The following UBN2 variants were observed in gnomAD, a reference collection of about 807,000 sequenced individuals.
UBN2 encodes ubinuclein 2.
Under a neutral mutation model 120.2 loss-of-function variants are expected in UBN2, and 35 were observed. The observed-to-expected ratio is 0.29, with a 90% confidence interval of 0.22 to 0.39. The LOEUF is 0.39. UBN2 is among the 10% of genes least tolerant of loss of function. The pLI, the probability that UBN2 is intolerant of heterozygous loss-of-function variation, is 1.00. For synonymous variants in UBN2, 661 were observed against 648.7 expected, an observed-to-expected ratio of 1.02 and a Z score of -0.29; for missense variants, 1,693 against 1,663.2, an observed-to-expected ratio of 1.02 and a Z score of -0.31.
At chr7:139,282,820 C>T (rs1797655109) in intron 14 of UBN2, among the ~76,000 whole-genome samples, 1 of 152,018 alleles carries the variant, frequency 6.6e-6, no homozygotes, top group African/African-American at 2.4e-5. Context: ...CAGCTATGTG[C>T]AATATATCAG....
In UBN2 at chr7:139,259,360, A is replaced by G. The variant is rs747607028; in HGVS notation, c.895A>G (p.Lys299Glu). ...KEKKPRKKVPKQLGVVALNSH... is the reference protein window; with the variant it reads ...KEKKPRKKVPEQLGVVALNSH... ...GAAGAAGCCAAGGAAAAAAGTTCCC[A>G]AACAACTGGGGTACGTTAAATTAAA... Residue 299 changes from lysine (K) to glutamate (E), a missense_variant, in exon 5 of 18, where the codon AAA becomes GAA. Coordinates refer to ENST00000473989, the MANE Select transcript of UBN2 (RefSeq NM_173569.4). The G allele has an allele frequency of 4.3e-6, 7 of 1,613,952 alleles. No homozygotes were observed. The highest frequency in any genetic ancestry group is 5.1e-6 in the Non-Finnish European group (6 of 1,179,930).
chr7:139,253,230 ATCT>A (rs1796667817), intron 3 of UBN2, among the ~76,000 whole-genome samples: 1 of 93,834 alleles, frequency 1.1e-5, no homozygotes, highest in African/African-American at 1.2e-4. Context: ...ATAACGGAGC[ATCT>A]GGGTGCATTT....
At chr7:139,244,849 C>T (rs981229537) in intron 2 of UBN2, among the ~76,000 whole-genome samples, 6 of 152,028 alleles carry the variant, frequency 3.9e-5, no homozygotes, top group African/African-American at 9.7e-5. Flanking sequence ...AGCACCTTTT[C>T]GTGAATAGCC....
At chr7:139,282,213 TTAAAAA>T (rs1317288419) in intron 14 of UBN2, among the ~76,000 whole-genome samples, 158 bp downstream of exon 14, 1 of 152,216 alleles carries the variant, frequency 6.6e-6, no homozygotes, top group Non-Finnish European at 1.5e-5. Flanking sequence ...ACTTTTATCT[TTAAAAA>T]TAAATAGTTG....
At chr7:139,237,391 G>A (rs1413528325) in intron 2 of UBN2, among the ~76,000 whole-genome samples, 1 of 152,096 alleles carries the variant, frequency 6.6e-6, no homozygotes, top group East Asian at 1.9e-4. Flanking sequence ...CCGCCTCCCA[G>A]GTTCAAGCCT....
chr7:139,252,144 G>A, intron 3 of UBN2, 87 bp downstream of exon 3: 1 of 1,041,650 alleles, frequency 9.6e-7, no homozygotes, highest in Non-Finnish European at 1.5e-6. Context: ...AAATAGTGCA[G>A]TGAATGTTTT....
At chr7:139,276,207 A>G (rs969746203) in intron 12 of UBN2, 60 bp downstream of exon 12, 11 of 1,482,820 alleles carry the variant, frequency 7.4e-6, no homozygotes, top group Middle Eastern at 1.9e-4. Context: ...TTAGTGAACA[A>G]AAGTATCATT....
intron 6 of UBN2, among the ~76,000 whole-genome samples, chr7:139,264,357 A>G (rs1260358444): frequency 2.0e-5 from 3 of 152,118 alleles, no homozygotes; most frequent in Non-Finnish European, 1.5e-5. Context: ...CAGCTGGATC[A>G]TTGACTGTAT....
At chr7:139,242,306 A>G (rs1796342263) in intron 2 of UBN2, among the ~76,000 whole-genome samples, 1 of 152,152 alleles carries the variant, frequency 6.6e-6, no homozygotes, top group Non-Finnish European at 1.5e-5. Context: ...TTGATCATCC[A>G]CACTTGCTGA....
At chr7:139,277,949 A>G (rs943723024) in intron 12 of UBN2, among the ~76,000 whole-genome samples, 2 of 152,206 alleles carry the variant, frequency 1.3e-5, no homozygotes, top group Admixed American at 1.3e-4. Context: ...ACAGTATACT[A>G]TAATAAAAGT....
intron 2 of UBN2, among the ~76,000 whole-genome samples, chr7:139,238,373 A>G (rs576450322): frequency 5.2e-4 from 79 of 152,296 alleles, no homozygotes; most frequent in Non-Finnish European, 8.5e-4. Context: ...ATACTTTGCC[A>G]TCTGCTAATT....
intron 3 of UBN2, among the ~76,000 whole-genome samples, chr7:139,252,969 C>T (rs1415003175): frequency 5.3e-5 from 8 of 151,748 alleles, no homozygotes; most frequent in African/African-American, 1.9e-4. Flanking sequence ...TTAACATATG[C>T]TTATGGTAAA....
At chr7:139,235,186 A>G (rs1478127417) in intron 1 of UBN2, among the ~76,000 whole-genome samples, 1 of 152,152 alleles carries the variant, frequency 6.6e-6, no homozygotes, top group Non-Finnish European at 1.5e-5. Context: ...TACATATAAA[A>G]TGAGTCATAC....
chr7:139,299,194 G>T lies in UBN2; in HGVS notation c.*1358G>T, dbSNP rs887114366. ...TACATTTGATTTGATGGGTTTTTTT[G>T]CCGCATTATTCTAGTTTTTTAAGCT... is the stretch of plus-strand genomic sequence containing the variant. On this transcript the variant is annotated 3_prime_UTR_variant, in exon 18 of 18. Transcript: ENST00000473989. 4 of 151,878 alleles carry T rather than the reference G, an allele frequency of 2.6e-5. No homozygotes were observed. The highest frequency in any genetic ancestry group is 9.7e-5 in the African/African-American group (4 of 41,352). 9.4% of individuals were successfully genotyped at this position (151,878 alleles called of 1,614,324 possible).
chr7:139,316,064 C>A, the UBN2 span, among the ~76,000 whole-genome samples: 46 of 110,500 alleles, frequency 4.2e-4, no homozygotes, highest in African/African-American at 1.5e-3. Flanking sequence ...GCAACAAGAG[C>A]GAGACTTCGT....
the UBN2 span, among the ~76,000 whole-genome samples, chr7:139,314,945 G>T: frequency 6.6e-6 from 1 of 150,936 alleles, no homozygotes; most frequent in African/African-American, 2.4e-5. Flanking sequence ...GTTCATTATG[G>T]TTATATCTTT....
chr7:139,321,049 A>T, the UBN2 span, among the ~76,000 whole-genome samples: 26,690 of 152,154 alleles, frequency 0.18, 2,639 homozygotes, highest in Admixed American at 0.32. Context: ...ACTTTTTATA[A>T]TGATAACTTC....
At chr7:139,235,573 G>C (rs1224298664) in intron 1 of UBN2, among the ~76,000 whole-genome samples, 1 of 151,790 alleles carries the variant, frequency 6.6e-6, no homozygotes, top group Non-Finnish European at 1.5e-5. Context: ...CACCCAGCTA[G>C]TTTTTGTATT....
At chr7:139,251,893 C>G in intron 2 of UBN2, 63 bp from the exon 3 acceptor site, 5 of 1,500,110 alleles carry the variant, frequency 3.3e-6, no homozygotes, top group Non-Finnish European at 4.6e-6. Context: ...TCTAACAGGT[C>G]TTTTTAAACT....
Sources: allele counts gnomAD v4.1 joint callset (sites outside exome capture counted in the v4.1 genomes callset), GRCh38; gene constraint gnomAD v4.1.1; transcripts MANE v1.5; gene names NCBI Gene and HGNC (gene_info 2026-07-23, HGNC 2026-07-21).